MSL2: variants seen among roughly 807,000 people sequenced by gnomAD.
The protein encoded by MSL2 is MSL complex subunit 2.
In MSL2, 2 loss-of-function variants were observed where a neutral mutation model predicts 35.8. The ratio of observed to expected loss-of-function variants is 0.06; its 90% CI spans 0.02 to 0.18. The LOEUF is 0.18. Among genes scored for constraint, MSL2 ranks in the 10% least tolerant of loss-of-function variants. MSL2 has a pLI of 1.00. For synonymous variants in MSL2, 296 were observed against 255.7 expected (o/e 1.16, Z -1.50); for missense variants, 523 against 706.7 (o/e 0.74, Z 2.95).
chr3:136,155,664 G>T, intron 1 of MSL2: 1 of 477,846 alleles, frequency 2.1e-6, no homozygotes, highest in Non-Finnish European at 4.2e-6. Flanking sequence ...GGACAGTAAC[G>T]AGCTAAACAA....
In MSL2 at chr3:136,187,751, T is replaced by C. The variant is rs187455474; in HGVS notation, c.142+7221A>G. Among the ~76,000 whole-genome samples the C allele has an allele frequency of 1.2e-4, 18 of 152,214 alleles. No individual in the cohort carries two copies. In the East Asian group the frequency reaches 1.7e-3, roughly 15 times the overall value. On this transcript the variant is annotated intron_variant, in intron 1 of 1. Transcript: ENST00000309993. The stretch of plus-strand genomic sequence containing the variant: ...GTTGTATCACTATCCTACTTAAATA[T>C]TGTTTTTCAAATGCTTATAACACTG...
Position 136,195,142 on chromosome 3 carries a change from G to C in MSL2, c.-29C>G. On this transcript the variant is annotated 5_prime_UTR_variant, in exon 1 of 2. Transcript: ENST00000309993. ...AGACACTTCGACACCAATGGCTCCCGGTTGAAAAGAAATTCCGGATCCAAC... is the reference window on the plus strand; with the variant it reads ...AGACACTTCGACACCAATGGCTCCCCGTTGAAAAGAAATTCCGGATCCAAC... 6.4e-7 allele frequency: 1 copy of C among 1,567,700 alleles called. No homozygotes were observed. The highest frequency in any genetic ancestry group is 8.6e-7 in the Non-Finnish European group (1 of 1,159,032).
rs1327243958 is a variant in MSL2, at chr3:136,171,334, G to T, written c.143-18596C>A. On this transcript the variant is annotated intron_variant, in intron 1 of 1. Transcript: ENST00000309993. Reference sequence around the variant, plus strand: ...TGGCTGGGATGAACTCACAAAAAAGGCCTCAGATGACCCAAAAGAAACTCT... The same window carrying T: ...TGGCTGGGATGAACTCACAAAAAAGTCCTCAGATGACCCAAAAGAAACTCT... Among the ~76,000 whole-genome samples the T allele has an allele frequency of 2.0e-5, 3 of 152,108 alleles. No homozygotes were observed. The East Asian group carries it at 5.8e-4, about 29-fold the overall frequency.
In MSL2 at chr3:136,159,457, G is replaced by A. The variant is rs561347981; in HGVS notation, c.143-6719C>T. On this transcript the variant is annotated intron_variant, in intron 1 of 1. Coordinates refer to ENST00000309993, the MANE Select transcript of MSL2 (RefSeq NM_018133.4). ...CGGCTCACTGCAAGCTCCGCCTCTCGGGTTCACACCGTTCTCCTGCCTCAG... is the reference window on the plus strand; with the variant it reads ...CGGCTCACTGCAAGCTCCGCCTCTCAGGTTCACACCGTTCTCCTGCCTCAG... Among the ~76,000 whole-genome samples the A allele has an allele frequency of 2.3e-3, 326 of 141,764 alleles. 1 individual carries two copies. Among genetic ancestry groups the A allele is most frequent in the African/African-American group, 8.1e-3 (308 of 38,154 alleles). The allele number at this position is 141,764 out of a possible 152,430, so 93.0% of individuals were successfully genotyped here.
At chr3:136,168,927 A>G (rs961680975) in intron 1 of MSL2, among the ~76,000 whole-genome samples, 2 of 151,472 alleles carry the variant, frequency 1.3e-5, no homozygotes, top group Non-Finnish European at 2.9e-5. Context: ...AGCTACAATC[A>G]TATATACAGA....
At chr3:136,168,342 A>G (rs1939910270) in intron 1 of MSL2, among the ~76,000 whole-genome samples, 1 of 152,232 alleles carries the variant, frequency 6.6e-6, no homozygotes, top group South Asian at 2.1e-4. Flanking sequence ...AAGAAGAAAA[A>G]GAACACAAAC....
chr3:136,184,540 T>C (rs879818741), intron 1 of MSL2, among the ~76,000 whole-genome samples: 10 of 148,988 alleles, frequency 6.7e-5, no homozygotes, highest in East Asian at 3.9e-4. Context: ...GAGGCGGAGG[T>C]TGCAGCGAGC....
chr3:136,182,183 G>A (rs1207106629), intron 1 of MSL2, among the ~76,000 whole-genome samples: 1 of 152,138 alleles, frequency 6.6e-6, no homozygotes, highest in African/African-American at 2.4e-5. Flanking sequence ...ACACTCACAT[G>A]TGGCTACTGA....
chr3:136,184,097 CAT>C (rs1411821965), intron 1 of MSL2, among the ~76,000 whole-genome samples: 9 of 151,108 alleles, frequency 6.0e-5, no homozygotes, highest in African/African-American at 2.2e-4. Flanking sequence ...AGATAGAGAC[CAT>C]CCTGGCTAAC....
intron 1 of MSL2, among the ~76,000 whole-genome samples, chr3:136,164,857 T>C (rs1939797549): frequency 6.6e-6 from 1 of 151,720 alleles, no homozygotes; most frequent in East Asian, 1.9e-4. Context: ...AAAAAAAGAC[T>C]CACTCAAAAT....
At chr3:136,180,783 AGGGAGGGAG>A (rs1559969173) in intron 1 of MSL2, among the ~76,000 whole-genome samples, 2 of 48,178 alleles carry the variant, frequency 4.2e-5, no homozygotes, top group African/African-American at 1.7e-4. Context: ...GGAGGGAGGG[AGGGAGGGAG>A]GGAGGGAGGG....
At chr3:136,175,344 A>AG in intron 1 of MSL2, among the ~76,000 whole-genome samples, 1 of 78,542 alleles carries the variant, frequency 1.3e-5, no homozygotes, top group Non-Finnish European at 2.9e-5. Context: ...ACTCCGTCTC[A>AG]AAAAAAAAAA....
rs535052328 is a variant in MSL2 at position 136,190,209 on chromosome 3, T to C, written c.142+4763A>G. Among the ~76,000 whole-genome samples, 3 of 152,340 alleles carry C rather than the reference T, an allele frequency of 2.0e-5. No individual in the cohort carries two copies. In the East Asian group the frequency reaches 5.8e-4, roughly 29 times the overall value. On this transcript the variant is annotated intron_variant, in intron 1 of 1. Coordinates refer to ENST00000309993, the MANE Select transcript of MSL2 (RefSeq NM_018133.4). ...TCCCAGTAACACTGACCAATATATATGGGCCTGTGCCATGTGTCTTATTCA... is the reference window on the plus strand; with the variant it reads ...TCCCAGTAACACTGACCAATATATACGGGCCTGTGCCATGTGTCTTATTCA...
At chr3:136,154,603 T>C (rs180910933) in intron 1 of MSL2, among the ~76,000 whole-genome samples, 1 of 151,744 alleles carries the variant, frequency 6.6e-6, no homozygotes, top group East Asian at 1.9e-4. Flanking sequence ...CCCAAGTATC[T>C]GGAAATTAAA....
rs1296353587 is a variant in MSL2 at position 136,148,955 on chromosome 3, T to TTTG, written c.*2191_*2192insCAA. 1 of 152,544 alleles carries TTTG rather than the reference T, an allele frequency of 6.6e-6. No homozygotes were observed. Among genetic ancestry groups the TTTG allele is most frequent in the Non-Finnish European group, 1.5e-5 (1 of 68,016 alleles). 9.4% of individuals were successfully genotyped at this position (152,544 alleles called of 1,614,324 possible). ...CTATCATTTATTGATAGATTTAAGG[T>TTTG]GTAATACAGGTTTCCAAAAATGTGG... is the stretch of plus-strand genomic sequence containing the variant. On this transcript the variant is annotated 3_prime_UTR_variant, in exon 2 of 2. Coordinates refer to ENST00000309993, the MANE Select transcript of MSL2 (RefSeq NM_018133.4).
Position 136,149,134 on chromosome 3 carries a change from A to AAAAAAAAC in MSL2, c.*2012_*2013insGTTTTTTT, listed in dbSNP as rs1553762929. 6.6e-6 allele frequency: 1 copy of AAAAAAAAC among 151,452 alleles called. No individual in the cohort carries two copies. The highest frequency in any genetic ancestry group is 1.5e-5 in the Non-Finnish European group (1 of 67,758). The allele number at this position is 151,452 out of a possible 1,614,324, so 9.4% of individuals were successfully genotyped here. On this transcript the variant is annotated 3_prime_UTR_variant, in exon 2 of 2. Transcript: ENST00000309993. ...TCCCATGCATCAAAAAAAAAAAAAA[A>AAAAAAAAC]CCCACAAGATTATCAAACTTGGGAA...
intron 1 of MSL2, among the ~76,000 whole-genome samples, chr3:136,178,405 T>C (rs1410823793): frequency 6.6e-6 from 1 of 152,166 alleles, no homozygotes; most frequent in African/African-American, 2.4e-5. Flanking sequence ...CAAATTGGTG[T>C]TGCACGGAAC....
Position 136,195,895 on chromosome 3 carries a change from G to A in MSL2, c.-782C>T. 2.3e-6 allele frequency: 2 copies of A among 855,048 alleles called. No individual in the cohort carries two copies. Among genetic ancestry groups the A allele is most frequent in the Non-Finnish European group, 2.8e-6 (2 of 712,648 alleles). 53.0% of individuals were successfully genotyped at this position (855,048 alleles called of 1,614,324 possible). Reference sequence around the variant, plus strand: ...AGGGGGCGGGGGGCAAGCCCGGCCGGGCCGCGGCGGCGCCCCTCGCGCCTC... The same window carrying A: ...AGGGGGCGGGGGGCAAGCCCGGCCGAGCCGCGGCGGCGCCCCTCGCGCCTC... On this transcript the variant is annotated 5_prime_UTR_variant, in exon 1 of 2. Coordinates refer to ENST00000309993, the MANE Select transcript of MSL2 (RefSeq NM_018133.4).
chr3:136,185,698 G>A (rs1007832858), intron 1 of MSL2, among the ~76,000 whole-genome samples: 26 of 151,910 alleles, frequency 1.7e-4, no homozygotes, highest in Non-Finnish European at 1.2e-4. Flanking sequence ...TAGAGACAGG[G>A]TTTCACCATG....
Sources: allele counts gnomAD v4.1 joint callset (sites outside exome capture counted in the v4.1 genomes callset), GRCh38; gene constraint gnomAD v4.1.1; transcripts MANE v1.5; gene names NCBI Gene and HGNC (gene_info 2026-07-23, HGNC 2026-07-21).